UBA2: variants seen among roughly 807,000 people sequenced by gnomAD.
The protein encoded by UBA2 is ubiquitin like modifier activating enzyme 2.
A neutral mutation model predicts 77.2 loss-of-function variants in UBA2; 11 were observed. The ratio of observed to expected loss-of-function variants is 0.14; its 90% CI spans 0.09 to 0.24. The LOEUF is 0.24. UBA2 is among the 10% of genes least tolerant of loss of function. The pLI, the probability that UBA2 is intolerant of heterozygous loss-of-function variation, is 1.00. For missense variants in UBA2, 487 were observed against 781.7 expected (o/e 0.62, Z 4.50); for synonymous variants, 278 against 276.7 (o/e 1.00, Z -0.05).
intron 3 of UBA2, among the ~76,000 whole-genome samples, chr19:34,432,864 G>A (rs1568367014): frequency 1.3e-5 from 2 of 149,792 alleles, no homozygotes; most frequent in African/African-American, 5.0e-5. Flanking sequence ...CTGTATCTCC[G>A]GCTTGTTTTT....
chr19:34,432,197 G>T (rs748498495), intron 3 of UBA2, among the ~76,000 whole-genome samples: 2 of 152,080 alleles, frequency 1.3e-5, no homozygotes, highest in Non-Finnish European at 2.9e-5. Context: ...TAAGTAAGAA[G>T]ATATTTTAAA....
chr19:34,443,730 G>T (rs1316879670), intron 6 of UBA2, 114 bp from the exon 7 acceptor site: 7 of 749,800 alleles, frequency 9.3e-6, no homozygotes, highest in African/African-American at 1.7e-5. Context: ...GTGAGCCACT[G>T]CGCCCAGCCA....
In UBA2 at chr19:34,452,026, G is replaced by T. The variant is rs1442100382; in HGVS notation, c.917G>T (p.Gly306Val). The T allele has an allele frequency of 6.2e-7, 1 of 1,606,124 alleles. No individual in the cohort carries two copies. The highest frequency in any genetic ancestry group is 8.5e-7 in the Non-Finnish European group (1 of 1,174,920). ...GATCAACAGAATGAACCCCAGTTAG[G>T]CCTGAAAGACCAGCAGGTTCTAGAT... ...ASDQQNEPQL[G>V]LKDQQVLDVK... The change falls in exon 10 of 17, where the codon GGC becomes GTC. Residue 306 changes from glycine (G) to valine (V), a missense_variant. By Grantham distance (109) the Gly-to-Val change is moderately radical. Transcript: ENST00000246548.
rs1433462422 is a variant in UBA2 at position 34,469,149 on chromosome 19, A to T, written c.1851A>T (p.Lys617Asn). ...GCCGCAAGAGGAAATTAGATGAGAA[A>T]GAGAATCTCAGTGCAAAGAGGTCAC... Reference protein sequence around the residue: ...ERSRKRKLDEKENLSAKRSRI... With the variant: ...ERSRKRKLDENENLSAKRSRI... Residue 617 changes from lysine to asparagine, a missense_variant, in exon 17 of 17, where the codon AAA (lysine) becomes AAT (asparagine). This residue lies in a region of UBA2 where 12 missense variants were observed against 35.3 expected (regional missense o/e 0.34). Transcript: ENST00000246548. 1 of 1,613,542 alleles carries T rather than the reference A, an allele frequency of 6.2e-7. No homozygotes were observed. The highest frequency in any genetic ancestry group is 8.5e-7 in the Non-Finnish European group (1 of 1,179,816).
At chr19:34,442,708 C>T (rs1188929693) in intron 6 of UBA2, among the ~76,000 whole-genome samples, 1 of 152,036 alleles carries the variant, frequency 6.6e-6, no homozygotes, top group African/African-American at 2.4e-5. Context: ...TGGGATTACA[C>T]ATGTGAGCCA....
chr19:34,441,804 C>T (rs1317765074), intron 6 of UBA2, among the ~76,000 whole-genome samples: 1 of 151,900 alleles, frequency 6.6e-6, no homozygotes, highest in African/African-American at 2.4e-5. Flanking sequence ...GCCTGTAGTC[C>T]CACCTACTCG....
chr19:34,438,653 C>T lies in UBA2; in HGVS notation c.468C>T (p.Thr156=), dbSNP rs779082465. 21 of 1,613,812 alleles carry T rather than the reference C, an allele frequency of 1.3e-5. No homozygotes were observed. The highest frequency in any genetic ancestry group is 2.2e-5 in the East Asian group (1 of 44,858). Residue 156 remains threonine (T), a synonymous_variant, in exon 6 of 17, where the codon ACC becomes ACT. Transcript: ENST00000246548. The part of the protein sequence containing the change: ...GQVTTIKKGV[T]ECYECHPKPT... ...ATATCCTGACTTCATAGGGTGTGAC[C>T]GAGTGTTATGAGTGTCATCCTAAGC... is the stretch of plus-strand genomic sequence containing the variant.
intron 6 of UBA2, among the ~76,000 whole-genome samples, chr19:34,442,051 A>G (rs552118125): frequency 6.6e-6 from 1 of 152,286 alleles, no homozygotes; most frequent in South Asian, 2.1e-4. Context: ...TGTGGGCAAC[A>G]TAGTGAAACC....
intron 12 of UBA2, among the ~76,000 whole-genome samples, chr19:34,458,433 G>A (rs1196560311): frequency 1.3e-5 from 2 of 151,318 alleles, no homozygotes; most frequent in Non-Finnish European, 2.9e-5. Flanking sequence ...GGTGGCGGGC[G>A]CCTGTAGTCC....
intron 12 of UBA2, among the ~76,000 whole-genome samples, chr19:34,458,492 C>T (rs906128368): frequency 1.5e-5 from 2 of 137,600 alleles, no homozygotes; most frequent in African/African-American, 5.6e-5. Flanking sequence ...CCCCAGGGGG[C>T]GGAGCCTGCA....
At chr19:34,455,597 C>A (rs2075549623) in intron 12 of UBA2, among the ~76,000 whole-genome samples, 1 of 152,110 alleles carries the variant, frequency 6.6e-6, no homozygotes, top group African/African-American at 2.4e-5. Flanking sequence ...CAAAAAATAT[C>A]TAGTTTGCAA....
rs538688761 is a variant in UBA2 at position 34,470,561 on chromosome 19, C to T, written c.*1340C>T. On this transcript the variant is annotated 3_prime_UTR_variant, in exon 17 of 17. Coordinates refer to ENST00000246548, the MANE Select transcript of UBA2 (RefSeq NM_005499.3). ...TTTTTGAGATGAAGCCTCACACTGT[C>T]ATCTGGCCTGGAGTGCAGTGGCGCG... 1 of 152,330 alleles carries T rather than the reference C, an allele frequency of 6.6e-6. No individual in the cohort carries two copies. Among genetic ancestry groups the T allele is most frequent in the African/African-American group, 2.4e-5 (1 of 41,574 alleles). 9.4% of individuals were successfully genotyped at this position (152,330 alleles called of 1,614,324 possible). A position where few individuals can be genotyped will look rare whatever the true frequency, so the allele number is the denominator to read the frequency against.
At chr19:34,451,918 A>G in intron 9 of UBA2, 63 bp from the exon 10 acceptor site, 2 of 891,796 alleles carry the variant, frequency 2.2e-6, no homozygotes, top group Non-Finnish European at 3.2e-6. Flanking sequence ...CTTGTTAAAC[A>G]GAGCACAGTA....
intron 5 of UBA2, among the ~76,000 whole-genome samples, chr19:34,436,692 A>T (rs1294852293): frequency 6.6e-6 from 1 of 151,630 alleles, no homozygotes; most frequent in Admixed American, 6.6e-5. Context: ...TTGTAGTTAC[A>T]TTTGAAGAGT....
intron 6 of UBA2, among the ~76,000 whole-genome samples, chr19:34,441,903 A>G (rs1212781992): frequency 1.3e-5 from 2 of 150,118 alleles, no homozygotes; most frequent in East Asian, 2.0e-4. Context: ...CCTGGGGGAC[A>G]GAGCGAGACT....
At chr19:34,453,867 A>T (rs537255015) in intron 10 of UBA2, among the ~76,000 whole-genome samples, 4 of 152,110 alleles carry the variant, frequency 2.6e-5, no homozygotes, top group Non-Finnish European at 5.9e-5. Flanking sequence ...TTTGGCCTGG[A>T]TTCTGTGTTT....
At chr19:34,442,913 TG>T (rs1010876686) in intron 6 of UBA2, among the ~76,000 whole-genome samples, 16 of 152,214 alleles carry the variant, frequency 1.1e-4, no homozygotes, top group African/African-American at 3.6e-4. Context: ...TATAGTTGGG[TG>T]GGGGGTTGTA....
At chr19:34,467,364 C>G (rs533407651) in intron 16 of UBA2, among the ~76,000 whole-genome samples, 1 of 151,232 alleles carries the variant, frequency 6.6e-6, no homozygotes, top group East Asian at 1.9e-4. Flanking sequence ...CTCCGCTACT[C>G]AGGAGGCTGA....
chr19:34,460,450 C>A lies in UBA2; in HGVS notation c.1402-20C>A. ...AATTACCTACGTTAATATTTTGAAT[C>A]CTTTTTTTTTTTTTTGTAGATAGTG... On this transcript the variant is annotated intron_variant, in intron 13 of 16. Coordinates refer to ENST00000246548, the MANE Select transcript of UBA2 (RefSeq NM_005499.3). 7.7e-7 allele frequency: 1 copy of A among 1,295,654 alleles called. No individual in the cohort carries two copies. 80.3% of individuals were successfully genotyped at this position (1,295,654 alleles called of 1,614,324 possible). A position where few individuals can be genotyped will look rare whatever the true frequency, so the allele number is the denominator to read the frequency against.
Sources: allele counts gnomAD v4.1 joint callset (sites outside exome capture counted in the v4.1 genomes callset), GRCh38; gene constraint gnomAD v4.1.1; regional missense constraint gnomAD v4.1.1; transcripts MANE v1.5; gene names NCBI Gene and HGNC (gene_info 2026-07-23, HGNC 2026-07-21).